ANKS1B: variants seen among roughly 807,000 people sequenced by gnomAD.
ANKS1B encodes the protein ankyrin repeat and sterile alpha motif domain-containing protein 1B.
In ANKS1B, 36 loss-of-function variants were observed where a neutral mutation model predicts 148.3. That is an observed-to-expected ratio of 0.24 (90% confidence interval 0.19 to 0.32). ANKS1B has a LOEUF of 0.32. Among genes scored for constraint, ANKS1B ranks in the 10% least tolerant of loss-of-function variants. The pLI is 1.00. For synonymous variants in ANKS1B, 542 were observed against 560.8 expected (o/e 0.97, Z 0.47); for missense variants, 1,157 against 1,542.6 (o/e 0.75, Z 4.19).
chr12:98,843,967 G>A (rs1430501823), intron 17 of ANKS1B, among the ~76,000 whole-genome samples: 3 of 152,144 alleles, frequency 2.0e-5, no homozygotes, highest in African/African-American at 4.8e-5. Flanking sequence ...GAAGACGGGG[G>A]ATCAGGGAGG....
chr12:98,904,166 G>C (rs950762368), intron 17 of ANKS1B, among the ~76,000 whole-genome samples: 4 of 152,052 alleles, frequency 2.6e-5, no homozygotes, highest in Admixed American at 6.5e-5. Flanking sequence ...AATGATGAGA[G>C]GCTGAAGCAA....
intron 1 of ANKS1B, among the ~76,000 whole-genome samples, chr12:99,883,564 C>T (rs1418306007): frequency 6.6e-6 from 1 of 151,760 alleles, no homozygotes; most frequent in African/African-American, 2.4e-5. Flanking sequence ...AAAACTCTTG[C>T]TCTGCCAAAG....
chr12:99,473,218 T>A (rs2096268327), intron 10 of ANKS1B, among the ~76,000 whole-genome samples: 1 of 152,056 alleles, frequency 6.6e-6, no homozygotes, highest in African/African-American at 2.4e-5. Context: ...TACATTAATA[T>A]CATATGACAA....
At chr12:99,157,762 A>T (rs2076226499) in intron 14 of ANKS1B, among the ~76,000 whole-genome samples, 3 of 152,176 alleles carry the variant, frequency 2.0e-5, no homozygotes. Flanking sequence ...ACCACTTTGG[A>T]TATATCCATG....
chr12:99,011,243 A>C (rs966005836), intron 17 of ANKS1B, among the ~76,000 whole-genome samples: 1 of 152,254 alleles, frequency 6.6e-6, no homozygotes, highest in African/African-American at 2.4e-5. Flanking sequence ...AAGCTGCTAA[A>C]TTTGTGGTAA....
chr12:99,868,855 C>T (rs920670503), intron 1 of ANKS1B, among the ~76,000 whole-genome samples: 1 of 151,832 alleles, frequency 6.6e-6, no homozygotes, highest in South Asian at 2.1e-4. Context: ...ATCAGGAGTT[C>T]GAGACCAGCC....
At chr12:98,932,309 A>G (rs1342448142) in intron 17 of ANKS1B, among the ~76,000 whole-genome samples, 2 of 152,180 alleles carry the variant, frequency 1.3e-5, no homozygotes, top group Non-Finnish European at 2.9e-5. Flanking sequence ...GTTTTCCTTC[A>G]TGAGTTGTTT....
chr12:98,978,254 C>T lies in ANKS1B; in HGVS notation c.2778+74903G>A, dbSNP rs528929879. On this transcript the variant is annotated intron_variant, in intron 17 of 26. Transcript: ENST00000683438. ...GTTTTTTTCCCTCAATGTCTGCCTT[C>T]TTTTGGATTATTTGTTTTAGTATTC... Among the ~76,000 whole-genome samples the T allele has an allele frequency of 8.9e-4, 136 of 151,978 alleles. 1 individual carries two copies. The highest frequency in any genetic ancestry group is 3.1e-3 in the African/African-American group (129 of 41,462).
At chr12:98,775,043 G>C (rs2098655275) in intron 24 of ANKS1B, among the ~76,000 whole-genome samples, 1 of 152,156 alleles carries the variant, frequency 6.6e-6, no homozygotes, top group South Asian at 2.1e-4. Context: ...TGAGAAAAAG[G>C]TGCAATGTGA....
chr12:99,495,882 C>A (rs927212904), intron 10 of ANKS1B, among the ~76,000 whole-genome samples: 3 of 152,158 alleles, frequency 2.0e-5, no homozygotes, highest in Non-Finnish European at 4.4e-5. Flanking sequence ...TAGGTATAAA[C>A]AAGTTACAGA....
At chr12:99,915,026 G>C (rs547464234) in intron 1 of ANKS1B, among the ~76,000 whole-genome samples, 1 of 152,122 alleles carries the variant, frequency 6.6e-6, no homozygotes, top group East Asian at 1.9e-4. Context: ...AGGAGTTCAA[G>C]ACCAACTTGA....
chr12:99,868,674 T>C (rs1565893754), intron 1 of ANKS1B, among the ~76,000 whole-genome samples: 1 of 152,182 alleles, frequency 6.6e-6, no homozygotes, highest in Non-Finnish European at 1.5e-5. Flanking sequence ...AATGACACCA[T>C]TTATAACATT....
intron 1 of ANKS1B, among the ~76,000 whole-genome samples, chr12:99,835,545 A>G (rs1335900368): frequency 6.6e-6 from 1 of 152,364 alleles, no homozygotes; most frequent in East Asian, 1.9e-4. Flanking sequence ...AACCTAGTAT[A>G]TCAAAAACAT....
chr12:99,900,686 GA>G (rs1026517455), intron 1 of ANKS1B, among the ~76,000 whole-genome samples: 1 of 152,072 alleles, frequency 6.6e-6, no homozygotes, highest in Non-Finnish European at 1.5e-5. Flanking sequence ...GAAGAACTAT[GA>G]TTCATAATGG....
chr12:99,066,808 C>T (rs541790542), intron 16 of ANKS1B, among the ~76,000 whole-genome samples: 17 of 152,254 alleles, frequency 1.1e-4, no homozygotes, highest in South Asian at 2.1e-4. Flanking sequence ...TAAAATCATC[C>T]TTGTTCTCTA....
intron 12 of ANKS1B, among the ~76,000 whole-genome samples, chr12:99,379,195 T>C (rs1020205320): frequency 1.3e-5 from 2 of 152,212 alleles, no homozygotes; most frequent in Admixed American, 1.3e-4. Flanking sequence ...TGTATGTGGA[T>C]TAATAATTTT....
chr12:99,410,115 C>G (rs2094642838), intron 11 of ANKS1B, among the ~76,000 whole-genome samples: 1 of 152,188 alleles, frequency 6.6e-6, no homozygotes, highest in African/African-American at 2.4e-5. Flanking sequence ...ATGGTTTTCA[C>G]ATTTTTTATC....
intron 11 of ANKS1B, among the ~76,000 whole-genome samples, chr12:99,443,106 G>C (rs191334315): frequency 6.6e-6 from 1 of 151,898 alleles, no homozygotes; most frequent in Admixed American, 6.6e-5. Flanking sequence ...GGAGAAAAGA[G>C]AGAAATCCAT....
At chr12:99,103,366 G>A (rs1463831122) in intron 15 of ANKS1B, among the ~76,000 whole-genome samples, 1 of 152,092 alleles carries the variant, frequency 6.6e-6, no homozygotes, top group African/African-American at 2.4e-5. Flanking sequence ...TGACTAGTTT[G>A]AGGTTACCCA....
Sources: allele counts gnomAD v4.1 joint callset (sites outside exome capture counted in the v4.1 genomes callset), GRCh38; gene constraint gnomAD v4.1.1; transcripts MANE v1.5; gene names NCBI Gene and HGNC (gene_info 2026-07-23, HGNC 2026-07-21).